The following SMIM35 variants were observed in gnomAD, a reference collection of about 807,000 sequenced individuals.
The protein encoded by SMIM35 is TMPRSS4 antisense RNA 1 (non-protein coding).
intron 1 of SMIM35, among the ~76,000 whole-genome samples, chr11:118,019,118 T>C (rs1247265733): frequency 6.6e-6 from 1 of 152,204 alleles, no homozygotes; most frequent in African/African-American, 2.4e-5. Flanking sequence ...ATTCTATATA[T>C]CTATGTAGAT....
intron 1 of SMIM35, among the ~76,000 whole-genome samples, chr11:118,055,444 C>T (rs767959376): frequency 2.0e-5 from 3 of 152,206 alleles, no homozygotes; most frequent in Admixed American, 6.5e-5. Context: ...ACCACCCCGG[C>T]CCTGCCACCT....
chr11:118,032,217 G>A (rs549195408), intron 1 of SMIM35, among the ~76,000 whole-genome samples: 30 of 152,300 alleles, frequency 2.0e-4, no homozygotes, highest in Non-Finnish European at 3.4e-4. Flanking sequence ...TCCTTTTGCT[G>A]TAAAAGCCAC....
intron 1 of SMIM35, among the ~76,000 whole-genome samples, chr11:118,018,257 T>C (rs960941410): frequency 3.3e-5 from 5 of 152,050 alleles, no homozygotes; most frequent in African/African-American, 4.8e-5. Context: ...CTGAGTGAGA[T>C]GGGGAGTCAC....
intron 1 of SMIM35, among the ~76,000 whole-genome samples, chr11:118,083,239 C>G (rs1945292769): frequency 6.6e-6 from 1 of 152,250 alleles, no homozygotes; most frequent in Admixed American, 6.5e-5. Context: ...TCTGTAACTT[C>G]CCCCGTTCCT....
chr11:118,080,192 A>G (rs1677385313), intron 1 of SMIM35, among the ~76,000 whole-genome samples: 1 of 152,174 alleles, frequency 6.6e-6, no homozygotes, highest in Non-Finnish European at 1.5e-5. Flanking sequence ...CTGAAAAAGC[A>G]ATAGATTCTC....
At chr11:118,010,462 A>G (rs1248142323) in intron 4 of SMIM35, among the ~76,000 whole-genome samples, 1 of 152,184 alleles carries the variant, frequency 6.6e-6, no homozygotes, top group Non-Finnish European at 1.5e-5. Flanking sequence ...TCTCTTCTCT[A>G]CTCGGCAAGT....
chr11:118,050,848 C>T (rs76190886), intron 1 of SMIM35, among the ~76,000 whole-genome samples: 5,577 of 152,230 alleles, frequency 0.037, 189 homozygotes, highest in East Asian at 0.19. Context: ...ATCTTGAATC[C>T]CAGACCCAGG....
intron 1 of SMIM35, among the ~76,000 whole-genome samples, chr11:118,035,037 C>T (rs894700383): frequency 6.6e-5 from 10 of 151,866 alleles, no homozygotes; most frequent in Non-Finnish European, 1.3e-4. Context: ...CTGCAACCTC[C>T]AACTCCTGGG....
At chr11:118,043,245 C>T (rs1237886727) in intron 1 of SMIM35, among the ~76,000 whole-genome samples, 1 of 151,296 alleles carries the variant, frequency 6.6e-6, no homozygotes, top group Non-Finnish European at 1.5e-5. Flanking sequence ...TATGGAAAAT[C>T]CTCCTCCTTG....
At chr11:118,051,485 T>A (rs1944212885) in intron 1 of SMIM35, among the ~76,000 whole-genome samples, 1 of 152,266 alleles carries the variant, frequency 6.6e-6, no homozygotes, top group African/African-American at 2.4e-5. Flanking sequence ...CTCCTCCCCA[T>A]GCCCTGGATG....
rs2058118428 is a variant in SMIM35, at chr11:118,005,790, ACTCC to A, written c.*616_*619del. ...GGCTCTGTCCTGCTCCTCTGCATCC[ACTCC>A]TGCTCCCTCAGTCTAATCTCCATAC... is the stretch of plus-strand genomic sequence containing the variant. On this transcript the variant is annotated 3_prime_UTR_variant, in exon 5 of 5. Coordinates refer to ENST00000689828, the MANE Select transcript of SMIM35 (RefSeq NM_001394165.1). 1 of 151,982 alleles carries A rather than the reference ACTCC, an allele frequency of 6.6e-6. No individual in the cohort carries two copies. Among genetic ancestry groups the A allele is most frequent in the Admixed American group, 6.6e-5 (1 of 15,238 alleles). The allele number at this position is 151,982 out of a possible 1,614,324, so 9.4% of individuals were successfully genotyped here.
chr11:118,046,023 T>C (rs2135090310), intron 1 of SMIM35, among the ~76,000 whole-genome samples: 1 of 152,332 alleles, frequency 6.6e-6, no homozygotes, highest in Non-Finnish European at 1.5e-5. Flanking sequence ...GTTATATGGC[T>C]CCTGACACAT....
chr11:118,029,029 T>A (rs576008941), intron 1 of SMIM35: 7 of 340,130 alleles, frequency 2.1e-5, no homozygotes, highest in Non-Finnish European at 4.1e-5. Flanking sequence ...AGGAGAATAG[T>A]CTGTCATCAA....
Position 118,048,273 on chromosome 11 carries a change from G to A in SMIM35, c.8-32464C>T, listed in dbSNP as rs1349773843. ...CACGGTGGCTCACAGTTGTAATCCC[G>A]CTGAGGCGGTCAGATCACCTGAGGT... is the stretch of plus-strand genomic sequence containing the variant. On this transcript the variant is annotated intron_variant, in intron 1 of 4. Transcript: ENST00000689828. Among the ~76,000 whole-genome samples the A allele has an allele frequency of 3.9e-5, 6 of 152,294 alleles. 1 individual carries two copies. Among genetic ancestry groups the A allele is most frequent in the South Asian group, 4.1e-4 (2 of 4,822 alleles).
intron 1 of SMIM35, among the ~76,000 whole-genome samples, chr11:118,040,823 G>T (rs1015575879): frequency 6.6e-6 from 1 of 152,098 alleles, no homozygotes; most frequent in South Asian, 2.1e-4. Flanking sequence ...AGCACTAAGG[G>T]GTGGATGGGA....
intron 1 of SMIM35, among the ~76,000 whole-genome samples, chr11:118,063,658 C>A (rs1051788662): frequency 6.6e-6 from 1 of 152,148 alleles, no homozygotes; most frequent in Non-Finnish European, 1.5e-5. Context: ...AAGCCCCACC[C>A]CTAAACTTAG....
intron 1 of SMIM35, among the ~76,000 whole-genome samples, chr11:118,054,672 T>C (rs533018113): frequency 2.0e-4 from 30 of 152,336 alleles, no homozygotes; most frequent in Non-Finnish European, 4.4e-4. Context: ...CACTGCCTAT[T>C]TTATTGTGTA....
intron 1 of SMIM35, among the ~76,000 whole-genome samples, chr11:118,037,088 C>T (rs1444246928): frequency 6.7e-6 from 1 of 149,696 alleles, no homozygotes; most frequent in Non-Finnish European, 1.5e-5. Context: ...GGAAATCCAG[C>T]TAGTCCTGTC....
intron 3 of SMIM35, 23 bp from the exon 4 acceptor site, chr11:118,013,903 G>T: frequency 2.5e-6 from 1 of 398,996 alleles, no homozygotes; most frequent in Non-Finnish European, 4.4e-6. Flanking sequence ...ATCCAATCAG[G>T]CTACTGGAGC....
Sources: gnomAD v4.1 joint callset for allele counts (sites outside exome capture counted in the v4.1 genomes callset) on GRCh38, gnomAD v4.1.1 for gene constraint, MANE v1.5 for transcripts, NCBI Gene and HGNC (gene_info 2026-07-23, HGNC 2026-07-21) for gene names.